PTPRK: variants seen among roughly 807,000 people sequenced by gnomAD.
PTPRK encodes the protein receptor-type tyrosine-protein phosphatase kappa.
A neutral mutation model predicts 178.0 loss-of-function variants in PTPRK; 75 were observed. The ratio of observed to expected loss-of-function variants is 0.42; its 90% confidence interval spans 0.35 to 0.51. The LOEUF (loss-of-function observed/expected upper bound fraction) is 0.51. Ranked by LOEUF, PTPRK falls within the 20% of genes least tolerant of loss-of-function variation. PTPRK has a pLI of 0.02. For synonymous variants in PTPRK, 637 were observed against 620.6 expected, an observed-to-expected ratio of 1.03 and a Z score of -0.39; for missense variants, 1,441 against 1,797.8, an observed-to-expected ratio of 0.80 and a Z score of 3.59.
intron 6 of PTPRK, among the ~76,000 whole-genome samples, chr6:128,200,033 C>T (rs563632296): frequency 6.6e-6 from 1 of 152,274 alleles, no homozygotes; most frequent in South Asian, 2.1e-4. Context: ...ATAAAGGCAT[C>T]AAGTAAACTT....
At chr6:128,004,684 T>C (rs1467588322) in intron 15 of PTPRK, among the ~76,000 whole-genome samples, 1 of 151,844 alleles carries the variant, frequency 6.6e-6, no homozygotes, top group Non-Finnish European at 1.5e-5. Flanking sequence ...CAAAAAGAAT[T>C]ACTGTTTCCT....
At chr6:128,351,122 T>C (rs1038887426) in intron 2 of PTPRK, among the ~76,000 whole-genome samples, 2 of 152,200 alleles carry the variant, frequency 1.3e-5, no homozygotes, top group African/African-American at 4.8e-5. Flanking sequence ...ACTTCTACCA[T>C]CTTCTACTCT....
chr6:128,212,316 C>T (rs1808345818), intron 6 of PTPRK, among the ~76,000 whole-genome samples: 1 of 151,914 alleles, frequency 6.6e-6, no homozygotes, highest in African/African-American at 2.4e-5. Flanking sequence ...TCAATAAAGG[C>T]TGCTAGCTGA....
intron 1 of PTPRK, among the ~76,000 whole-genome samples, chr6:128,435,270 C>T (rs1166865126): frequency 6.6e-6 from 1 of 152,096 alleles, no homozygotes; most frequent in Non-Finnish European, 1.5e-5. Flanking sequence ...ATAGGTTCTA[C>T]AATTTTTTAA....
At chr6:128,059,411 T>A (rs940673256) in intron 13 of PTPRK, among the ~76,000 whole-genome samples, 1 of 152,180 alleles carries the variant, frequency 6.6e-6, no homozygotes, top group African/African-American at 2.4e-5. Context: ...AATGACAACA[T>A]CTTAAAATAC....
intron 13 of PTPRK, among the ~76,000 whole-genome samples, chr6:128,025,253 A>G (rs1774108938): frequency 6.6e-6 from 1 of 152,270 alleles, no homozygotes; most frequent in Admixed American, 6.5e-5. Context: ...ATTAGTTTGT[A>G]TGAATTCATA....
intron 7 of PTPRK, among the ~76,000 whole-genome samples, chr6:128,161,640 T>G (rs545552758): frequency 3.8e-4 from 57 of 151,646 alleles, no homozygotes; most frequent in African/African-American, 1.3e-3. Context: ...AATAAAACTC[T>G]CTCAAAGCCA....
chr6:128,031,865 C>A (rs1293137052), intron 13 of PTPRK, among the ~76,000 whole-genome samples: 1 of 152,176 alleles, frequency 6.6e-6, no homozygotes, highest in Admixed American at 6.5e-5. Flanking sequence ...AACACTGGAA[C>A]GGTCCAGTGA....
intron 2 of PTPRK, among the ~76,000 whole-genome samples, chr6:128,364,602 A>G (rs1389144270): frequency 6.6e-6 from 1 of 152,100 alleles, no homozygotes; most frequent in Non-Finnish European, 1.5e-5. Flanking sequence ...AACAGTAATG[A>G]TGATTGACAT....
chr6:128,089,083 T>A (rs1016065556), intron 8 of PTPRK, among the ~76,000 whole-genome samples: 2 of 152,140 alleles, frequency 1.3e-5, no homozygotes, highest in Non-Finnish European at 2.9e-5. Context: ...TGCCTTGACC[T>A]CCCGAATAGC....
At chr6:128,075,587 G>T (rs1783661774) in intron 11 of PTPRK, among the ~76,000 whole-genome samples, 1 of 151,924 alleles carries the variant, frequency 6.6e-6, no homozygotes, top group African/African-American at 2.4e-5. Context: ...ATTAATTTAG[G>T]AGTCTACCAC....
chr6:127,973,043 C>T lies in PTPRK; in HGVS notation c.4248G>A (p.Lys1416=). The change falls in exon 29 of 30, where the codon AAG becomes AAA. Residue 1416 remains lysine (K), a synonymous_variant. Transcript: ENST00000368226. ...TCACCGGGGCTTCCACCATGTTTGG[C>T]TTGCTGTTCCTCAGTGTCTTTACTG... The part of the protein sequence containing the change: ...FHAVKTLRNS[K]PNMVEAPEQY... 1 of 1,614,032 alleles carries T rather than the reference C, an allele frequency of 6.2e-7. No homozygotes were observed. The highest frequency in any genetic ancestry group is 8.5e-7 in the Non-Finnish European group (1 of 1,179,918).
At chr6:128,146,671 G>A (rs972971866) in intron 7 of PTPRK, among the ~76,000 whole-genome samples, 2 of 151,648 alleles carry the variant, frequency 1.3e-5, no homozygotes, top group Admixed American at 6.6e-5. Context: ...CTCGTGATCC[G>A]CCCACCTCAA....
intron 3 of PTPRK, among the ~76,000 whole-genome samples, chr6:128,266,556 A>G (rs914281684): frequency 1.3e-5 from 2 of 152,096 alleles, no homozygotes; most frequent in Non-Finnish European, 2.9e-5. Flanking sequence ...CCAGACCACA[A>G]TTCCTTCTTC....
chr6:128,513,756 G>T (rs139220899), intron 1 of PTPRK, among the ~76,000 whole-genome samples: 17 of 152,182 alleles, frequency 1.1e-4, no homozygotes, highest in African/African-American at 3.1e-4. Context: ...TGACTCTGAT[G>T]ATCACAGATC....
At chr6:128,038,079 A>G (rs145575779) in intron 13 of PTPRK, among the ~76,000 whole-genome samples, 14 of 152,334 alleles carry the variant, frequency 9.2e-5, no homozygotes, top group African/African-American at 2.9e-4. Flanking sequence ...GAACACTGAA[A>G]AAGACTTCTA....
At chr6:127,990,046 A>G (rs1356012084) in intron 21 of PTPRK, among the ~76,000 whole-genome samples, 1 of 152,094 alleles carries the variant, frequency 6.6e-6, no homozygotes, top group Non-Finnish European at 1.5e-5. Context: ...GCAATGTAAC[A>G]CTTGGAGTGA....
intron 7 of PTPRK, among the ~76,000 whole-genome samples, chr6:128,100,826 C>T (rs1164641887): frequency 6.6e-6 from 1 of 151,840 alleles, no homozygotes; most frequent in Non-Finnish European, 1.5e-5. Flanking sequence ...GTCAAATGTT[C>T]CAGTGTGTTT....
chr6:128,493,886 T>C (rs535428802), intron 1 of PTPRK, among the ~76,000 whole-genome samples: 31 of 152,330 alleles, frequency 2.0e-4, no homozygotes, highest in Admixed American at 1.4e-3. Context: ...CTGCCTTCTC[T>C]AAGCACTTCA....
Sources: gnomAD v4.1 joint callset for allele counts (sites outside exome capture counted in the v4.1 genomes callset) on GRCh38, gnomAD v4.1.1 for gene constraint, MANE v1.5 for transcripts, NCBI Gene and HGNC (gene_info 2026-07-23, HGNC 2026-07-21) for gene names.